VPS8: variants seen among roughly 807,000 people sequenced by gnomAD.
VPS8 encodes the protein VPS8 subunit of CORVET complex.
In VPS8, 129 loss-of-function variants were observed where a neutral mutation model predicts 216.4. That is an observed-to-expected ratio of 0.60 (90% CI 0.52 to 0.69). The LOEUF (loss-of-function observed/expected upper bound fraction) is 0.69. Ranked by LOEUF, VPS8 falls within the 30% of genes least tolerant of loss-of-function variation. VPS8 has a pLI of 0.00. For synonymous variants in VPS8, 571 were observed against 565.4 expected (o/e 1.01, Z -0.14); for missense variants, 1,531 against 1,683.5 (o/e 0.91, Z 1.59).
In VPS8 at chr3:185,052,179, A is replaced by C; in HGVS notation, c.*154A>C. On this transcript the variant is annotated 3_prime_UTR_variant, in exon 48 of 48. Coordinates refer to ENST00000625842, the MANE Select transcript of VPS8 (RefSeq NM_001009921.3). ...CTGTGCCCAGAGCGTCCACAGCACC[A>C]TTCCCAGTGTAGACTCCCAGTCTTC... The C allele has an allele frequency of 1.4e-6, 1 of 733,534 alleles. No individual in the cohort carries two copies. Among genetic ancestry groups the C allele is most frequent in the Non-Finnish European group, 2.1e-6 (1 of 474,160 alleles). The allele number at this position is 733,534 out of a possible 1,614,324, so 45.4% of individuals were successfully genotyped here. A position where few individuals can be genotyped will look rare whatever the true frequency, so the allele number is the denominator to read the frequency against.
At chr3:185,007,696 A>G (rs1480145302) in intron 45 of VPS8, among the ~76,000 whole-genome samples, 3 of 152,160 alleles carry the variant, frequency 2.0e-5, no homozygotes, top group African/African-American at 7.2e-5. Flanking sequence ...TTCAAAACCA[A>G]CTGAGTTTTT....
At chr3:184,831,969 C>T (rs1249007755) in intron 3 of VPS8, among the ~76,000 whole-genome samples, 3 of 152,120 alleles carry the variant, frequency 2.0e-5, no homozygotes, top group African/African-American at 7.2e-5. Flanking sequence ...CCACTGCCTG[C>T]TATATATAGT....
At chr3:185,015,940 C>G (rs553315830) in intron 45 of VPS8, among the ~76,000 whole-genome samples, 16 of 152,288 alleles carry the variant, frequency 1.1e-4, no homozygotes, top group African/African-American at 3.8e-4. Context: ...TGGGTGAATG[C>G]TGAGTTGGAA....
At chr3:184,913,469 G>A in intron 25 of VPS8, 50 bp from the exon 26 acceptor site, 1 of 1,473,110 alleles carries the variant, frequency 6.8e-7, no homozygotes, top group Non-Finnish European at 9.3e-7. Context: ...TTATTTTTCT[G>A]AAAAGGTTTT....
At chr3:184,842,209 A>AAAAAAAAAAG (rs1553828675) in intron 7 of VPS8, among the ~76,000 whole-genome samples, 2 of 149,372 alleles carry the variant, frequency 1.3e-5, no homozygotes, top group East Asian at 4.0e-4. Context: ...AAAAAAAAAA[A>AAAAAAAAAAG]GAATATGTGA....
rs764333227 is a variant in VPS8 at position 184,982,566 on chromosome 3, G to A, written c.3421G>A (p.Ala1141Thr). 11 of 1,609,788 alleles carry A rather than the reference G, an allele frequency of 6.8e-6. No homozygotes were observed. In the Admixed American group the frequency reaches 1.5e-4, roughly 22 times the overall value. Residue 1141 changes from alanine (A) to threonine (T), a missense_variant and splice_region_variant, in exon 41 of 48, where the codon GCA (alanine) becomes ACA (threonine). This residue lies in a region of VPS8 where 1,318 missense variants were observed against 1,468.4 expected (regional missense o/e 0.90). Coordinates refer to ENST00000625842, the MANE Select transcript of VPS8 (RefSeq NM_001009921.3). ...SHNLNQQQRE[A>T]LWFPLLEAMM... Reference sequence around the variant, plus strand: ...TCTTTGATTTTCTCTGACATTATAGGCACTTTGGTTTCCGTTATTGGAGGC... The same window carrying A: ...TCTTTGATTTTCTCTGACATTATAGACACTTTGGTTTCCGTTATTGGAGGC...
chr3:184,874,553 G>A (rs115517622), intron 21 of VPS8, among the ~76,000 whole-genome samples: 25 of 152,254 alleles, frequency 1.6e-4, no homozygotes, highest in African/African-American at 6.0e-4. Flanking sequence ...TCAAGACTTA[G>A]ATTCATTAGA....
At chr3:184,880,667 C>G (rs1404970298) in intron 21 of VPS8, among the ~76,000 whole-genome samples, 1 of 152,152 alleles carries the variant, frequency 6.6e-6, no homozygotes, top group Non-Finnish European at 1.5e-5. Flanking sequence ...CTTCTTTTCT[C>G]TAGGAGAAAT....
rs555457387 is a variant in VPS8 at position 184,932,263 on chromosome 3, C to T, written c.2898+1695C>T. On this transcript the variant is annotated intron_variant, in intron 34 of 47. Transcript: ENST00000625842. ...GGTTCTTAACACTTTTTTTGAGACT[C>T]TAATGAAAGATTGATGCCTCGTAAT... 7.8e-4 allele frequency among the ~76,000 whole-genome samples: 118 copies of T among 152,102 alleles called. 4 individuals are homozygous for T. The South Asian group carries it at 0.015, about 20-fold the overall frequency.
chr3:184,830,454 T>TCACACACACACACA (rs3040915), intron 3 of VPS8, among the ~76,000 whole-genome samples: 14 of 147,682 alleles, frequency 9.5e-5, no homozygotes, highest in African/African-American at 3.2e-4. Flanking sequence ...GTTTATCAGT[T>TCACACACACACACA]CACACACACA....
intron 34 of VPS8, among the ~76,000 whole-genome samples, chr3:184,932,425 A>G (rs1281180638): frequency 2.6e-5 from 4 of 152,204 alleles, no homozygotes; most frequent in Non-Finnish European, 4.4e-5. Context: ...TTGTGTTGAC[A>G]TGTTATATTT....
At chr3:184,995,210 C>A (rs1347818138) in intron 43 of VPS8, among the ~76,000 whole-genome samples, 1 of 152,108 alleles carries the variant, frequency 6.6e-6, no homozygotes. Flanking sequence ...TTTTTCTTAG[C>A]GTACTGCAGA....
At chr3:184,945,437 G>A (rs1576934878) in intron 36 of VPS8, among the ~76,000 whole-genome samples, 1 of 152,072 alleles carries the variant, frequency 6.6e-6, no homozygotes, top group African/African-American at 2.4e-5. Flanking sequence ...AAGATAGGCA[G>A]AAGCAGGTAA....
intron 13 of VPS8, among the ~76,000 whole-genome samples, chr3:184,854,671 A>G (rs1187423994): frequency 6.6e-6 from 1 of 152,224 alleles, no homozygotes; most frequent in Non-Finnish European, 1.5e-5. Context: ...GTGCTGAGAC[A>G]GGCTTATACT....
chr3:184,922,500 G>A, intron 29 of VPS8: 1 of 441,056 alleles, frequency 2.3e-6, no homozygotes, highest in South Asian at 1.6e-5. Flanking sequence ...TGGTTACATT[G>A]TAATTTGAGT....
chr3:184,888,513 C>T (rs977353969), intron 22 of VPS8, among the ~76,000 whole-genome samples: 3 of 152,136 alleles, frequency 2.0e-5, no homozygotes, highest in African/African-American at 7.2e-5. Context: ...TTCTCTTTAC[C>T]TCACTTTCAC....
intron 44 of VPS8, among the ~76,000 whole-genome samples, chr3:184,997,748 A>G (rs1412412393): frequency 6.6e-6 from 1 of 152,216 alleles, no homozygotes; most frequent in Admixed American, 6.5e-5. Context: ...TATTTTATAT[A>G]GGTTGGTCAG....
In VPS8 at chr3:184,824,804, G is replaced by A. The variant is rs1180661318; in HGVS notation, c.153+19G>A. The A allele has an allele frequency of 1.3e-6, 2 of 1,584,588 alleles. No individual in the cohort carries two copies. The highest frequency in any genetic ancestry group is 1.3e-5 in the African/African-American group (1 of 74,184). ...TGATCTGGTAAAAATTTCAATTTCT[G>A]TCAAGTGATAATGTTTAACCAGTGT... On this transcript the variant is annotated intron_variant, in intron 2 of 47. Coordinates refer to ENST00000625842, the MANE Select transcript of VPS8 (RefSeq NM_001009921.3).
In VPS8 at chr3:184,999,153, G is replaced by A. The variant is rs915512040; in HGVS notation, c.3837-543G>A. Among the ~76,000 whole-genome samples, 7 of 152,274 alleles carry A rather than the reference G, an allele frequency of 4.6e-5. No individual in the cohort carries two copies. In the South Asian group the frequency reaches 1.0e-3, roughly 23 times the overall value. On this transcript the variant is annotated intron_variant, in intron 44 of 47. Transcript: ENST00000625842. Reference sequence around the variant, plus strand: ...GCTCACTGCAACCTCCGCCTCCCGGGTTGAAGCAATTCTTCTGCCTCAGCC... The same window carrying A: ...GCTCACTGCAACCTCCGCCTCCCGGATTGAAGCAATTCTTCTGCCTCAGCC...
Sources: gnomAD v4.1 joint callset for allele counts (sites outside exome capture counted in the v4.1 genomes callset) on GRCh38, gnomAD v4.1.1 for gene constraint, gnomAD v4.1.1 regional missense constraint, MANE v1.5 for transcripts, NCBI Gene and HGNC (gene_info 2026-07-23, HGNC 2026-07-21) for gene names.